Variants in TJP1 observed in about 807,000 individuals in gnomAD.
TJP1 encodes the protein tight junction protein 1, also known as tight junction protein ZO-1.
A neutral mutation model predicts 194.2 loss-of-function variants in TJP1; 43 were observed. The observed-to-expected ratio is 0.22, with a 90% CI of 0.17 to 0.29. The LOEUF is 0.29. TJP1 is among the 10% of genes least tolerant of loss of function. The pLI is 1.00. For synonymous variants in TJP1, 801 were observed against 779.0 expected, an observed-to-expected ratio of 1.03 and a Z score of -0.47; for missense variants, 1,971 against 2,185.7, an observed-to-expected ratio of 0.90 and a Z score of 1.96.
chr15:29,961,603 T>C (rs2056166337), intron 1 of TJP1, among the ~76,000 whole-genome samples: 1 of 152,176 alleles, frequency 6.6e-6, no homozygotes, highest in Admixed American at 6.5e-5. Context: ...GCATGGCTGA[T>C]ATGCATCAAA....
intron 2 of TJP1, among the ~76,000 whole-genome samples, chr15:29,934,090 T>A (rs569125955): frequency 6.6e-6 from 1 of 152,298 alleles, no homozygotes; most frequent in African/African-American, 2.4e-5. Context: ...CCAATACTGG[T>A]ATTTGGGTGA....
chr15:29,741,139 G>A, intron 10 of TJP1, 192 bp downstream of exon 10: 1 of 445,836 alleles, frequency 2.2e-6, no homozygotes, highest in South Asian at 4.5e-5. Flanking sequence ...CATCCAAAAA[G>A]TTCCTTTGTT....
chr15:29,779,820 G>A (rs1326375845), intron 2 of TJP1, among the ~76,000 whole-genome samples: 2 of 152,074 alleles, frequency 1.3e-5, no homozygotes, highest in Non-Finnish European at 2.9e-5. Context: ...AAGAATCCAA[G>A]TGCAACATTT....
At chr15:29,898,425 C>T (rs571880477) in intron 2 of TJP1, among the ~76,000 whole-genome samples, 16 of 152,228 alleles carry the variant, frequency 1.1e-4, no homozygotes, top group African/African-American at 2.9e-4. Context: ...TGAAAATGAA[C>T]GAATACAACA....
chr15:29,845,036 C>T (rs1002017864), intron 2 of TJP1, among the ~76,000 whole-genome samples: 1 of 151,980 alleles, frequency 6.6e-6, no homozygotes, highest in South Asian at 2.1e-4. Context: ...ACTGATTGAC[C>T]GTGACCTGTG....
Position 29,822,154 on chromosome 15 carries a change from G to A in TJP1, c.-126C>T. The A allele has an allele frequency of 8.4e-7, 1 of 1,187,200 alleles. No homozygotes were observed. Among genetic ancestry groups the A allele is most frequent in the Non-Finnish European group, 1.0e-6 (1 of 958,032 alleles). The allele number at this position is 1,187,200 out of a possible 1,614,324, so 73.5% of individuals were successfully genotyped here. A position where few individuals can be genotyped will look rare whatever the true frequency, so the allele number is the denominator to read the frequency against. On this transcript the variant is annotated 5_prime_UTR_variant, in exon 1 of 28. Coordinates refer to ENST00000614355, the MANE Select transcript of TJP1 (RefSeq NM_001330239.4). ...GAGCGAGCGGGGCACGGGCGGGGGC[G>A]GCCGGAAGGGCCCGGCCCAGGGGGA... is the stretch of plus-strand genomic sequence containing the variant.
At chr15:29,960,513 T>C (rs992526359) in intron 1 of TJP1, among the ~76,000 whole-genome samples, 1 of 151,708 alleles carries the variant, frequency 6.6e-6, no homozygotes, top group African/African-American at 2.4e-5. Context: ...CACATGCCTA[T>C]GGGTCCCAAC....
intron 2 of TJP1, among the ~76,000 whole-genome samples, chr15:29,907,767 A>G (rs2053864661): frequency 6.6e-6 from 1 of 151,946 alleles, no homozygotes; most frequent in African/African-American, 2.4e-5. Flanking sequence ...AACCTCTTCC[A>G]TTCCTCCCAG....
In TJP1 at chr15:29,726,704, A is replaced by T; in HGVS notation, c.2311+77T>A. 2.2e-6 allele frequency: 3 copies of T among 1,377,426 alleles called. No homozygotes were observed. The East Asian group carries it at 6.9e-5, about 32-fold the overall frequency. The allele number at this position is 1,377,426 out of a possible 1,614,324, so 85.3% of individuals were successfully genotyped here. ...AGTATCATGTAAGTTTTAGTATTTG[A>T]ACACCGTAACATTTTGGCCTACTTA... On this transcript the variant is annotated intron_variant, in intron 17 of 27. Transcript: ENST00000614355.
At chr15:29,910,142 T>C (rs556069182) in intron 2 of TJP1, among the ~76,000 whole-genome samples, 16 of 152,216 alleles carry the variant, frequency 1.1e-4, no homozygotes, top group Non-Finnish European at 2.1e-4. Context: ...TCCTCAAATC[T>C]AAATTGATAT....
At chr15:29,832,219 A>G (rs1427110479) in intron 2 of TJP1, among the ~76,000 whole-genome samples, 3 of 152,162 alleles carry the variant, frequency 2.0e-5, no homozygotes, top group Non-Finnish European at 4.4e-5. Context: ...GGGGCGGCTG[A>G]GAGCCCTGGG....
chr15:29,942,861 A>G (rs1299315294), intron 2 of TJP1, among the ~76,000 whole-genome samples: 1 of 152,210 alleles, frequency 6.6e-6, no homozygotes, highest in African/African-American at 2.4e-5. Context: ...CACCTATAAG[A>G]ACCAACTCCC....
chr15:29,897,297 C>G (rs1346761167), intron 2 of TJP1, among the ~76,000 whole-genome samples: 1 of 152,198 alleles, frequency 6.6e-6, no homozygotes, highest in East Asian at 1.9e-4. Context: ...GCCTTGGCAG[C>G]TTCGATGTGG....
intron 8 of TJP1, among the ~76,000 whole-genome samples, chr15:29,745,398 C>T (rs918881386): frequency 2.0e-5 from 3 of 150,344 alleles, no homozygotes; most frequent in South Asian, 2.1e-4. Context: ...TTGTCAATAT[C>T]GTCAACAATC....
intron 2 of TJP1, among the ~76,000 whole-genome samples, chr15:29,903,479 C>G (rs936965098): frequency 6.6e-6 from 1 of 151,982 alleles, no homozygotes; most frequent in Non-Finnish European, 1.5e-5. Context: ...GAGTCTCGCT[C>G]TGTCGCCCAG....
chr15:29,816,962 G>A (rs1457582950), intron 1 of TJP1, among the ~76,000 whole-genome samples: 1 of 152,148 alleles, frequency 6.6e-6, no homozygotes, highest in Admixed American at 6.6e-5. Flanking sequence ...TGACAAATGG[G>A]ATCTAATTAA....
intron 2 of TJP1, among the ~76,000 whole-genome samples, chr15:29,831,286 A>C (rs2050830285): frequency 6.6e-6 from 1 of 152,252 alleles, no homozygotes; most frequent in Non-Finnish European, 1.5e-5. Flanking sequence ...ACTTAATGAA[A>C]TAATAGATTC....
At chr15:29,750,777 GA>G (rs2151433967) in intron 8 of TJP1, among the ~76,000 whole-genome samples, 1 of 152,208 alleles carries the variant, frequency 6.6e-6, no homozygotes, top group African/African-American at 2.4e-5. Context: ...TACAAAAACG[GA>G]TTTATACATA....
intron 10 of TJP1, among the ~76,000 whole-genome samples, chr15:29,738,033 T>C (rs1381195178): frequency 6.6e-6 from 1 of 152,048 alleles, no homozygotes; most frequent in East Asian, 1.9e-4. Context: ...TAGCCCCATA[T>C]CCATTCTGTC....
Sources: allele counts gnomAD v4.1 joint callset (sites outside exome capture counted in the v4.1 genomes callset), GRCh38; gene constraint gnomAD v4.1.1; transcripts MANE v1.5; gene names NCBI Gene and HGNC (gene_info 2026-07-23, HGNC 2026-07-21).